Variants in PCDHGA3 observed in about 807,000 individuals in gnomAD.
PCDHGA3 encodes the protein protocadherin gamma-A3.
In PCDHGA3, 40 loss-of-function variants were observed where a neutral mutation model predicts 58.5. The ratio of observed to expected loss-of-function variants is 0.68; its 90% CI spans 0.53 to 0.89. The LOEUF is 0.89. PCDHGA3 is among the 40% of genes least tolerant of loss of function. The pLI, the probability that PCDHGA3 is intolerant of heterozygous loss-of-function variation, is 0.00. For missense variants in PCDHGA3, 1,223 were observed against 1,195.9 expected (o/e 1.02, Z -0.33); for synonymous variants, 530 against 525.7 (o/e 1.01, Z -0.11).
rs763321545 is a variant in PCDHGA3 at position 141,389,799 on chromosome 5, C to A, written c.2424+43342C>A. 1.2e-5 allele frequency: 19 copies of A among 1,613,678 alleles called. No individual in the cohort carries two copies. The South Asian group carries it at 1.9e-4, about 16-fold the overall frequency. On this transcript the variant is annotated intron_variant, in intron 1 of 3. Transcript: ENST00000253812. ...AGGCGACAGGGACGCCGTCCGCCAG[C>A]GCCTTCTGGTCGCCGTGCGTGACGG...
chr5:141,491,966 G>A lies in PCDHGA3; in HGVS notation c.2425-2841G>A. 1.1e-6 allele frequency: 1 copy of A among 943,066 alleles called. No individual in the cohort carries two copies. Among genetic ancestry groups the A allele is most frequent in the Non-Finnish European group, 1.5e-6 (1 of 669,210 alleles). The allele number at this position is 943,066 out of a possible 1,614,324, so 58.4% of individuals were successfully genotyped here. On this transcript the variant is annotated intron_variant, in intron 1 of 3. Coordinates refer to ENST00000253812, the MANE Select transcript of PCDHGA3 (RefSeq NM_018916.4). The surrounding 1 kb of genome is among the most constrained non-coding windows in gnomAD (Gnocchi z 6.9). ...CCACCCCTACACTCAAAAAAGGCCG[G>A]GGCCTCCTTCGAGCTTCCGGTGAAT...
intron 1 of PCDHGA3, chr5:141,391,513 C>T (rs1485140932): frequency 6.6e-6 from 1 of 152,096 alleles, no homozygotes; most frequent in Non-Finnish European, 1.5e-5. Flanking sequence ...TATTTTCTTT[C>T]ACTAATTTAA....
intron 3 of PCDHGA3, among the ~76,000 whole-genome samples, chr5:141,506,189 G>A (rs529165145): frequency 3.6e-4 from 55 of 152,262 alleles, no homozygotes; most frequent in African/African-American, 1.1e-3. Flanking sequence ...GGTGGCTCAC[G>A]CCTGTAATCC....
At chr5:141,395,309 CATT>C in intron 1 of PCDHGA3, 1 of 1,506,030 alleles carries the variant, frequency 6.6e-7, no homozygotes, top group Non-Finnish European at 8.9e-7. Flanking sequence ...TTTTGAAAAA[CATT>C]GTGAAGATAG....
intron 1 of PCDHGA3, among the ~76,000 whole-genome samples, chr5:141,452,674 G>A (rs2098746885): frequency 6.6e-6 from 1 of 151,936 alleles, no homozygotes; most frequent in Non-Finnish European, 1.5e-5. Context: ...TCCAGCCTAG[G>A]CCACAGAATG....
At chr5:141,474,130 C>T (rs28684928) in intron 1 of PCDHGA3, among the ~76,000 whole-genome samples, 6 of 152,160 alleles carry the variant, frequency 3.9e-5, no homozygotes. Context: ...TCTCAGAAAA[C>T]TACAGGCCTT....
intron 1 of PCDHGA3, chr5:141,374,164 G>A: frequency 6.2e-7 from 1 of 1,612,952 alleles, no homozygotes; most frequent in East Asian, 2.2e-5. Context: ...GGGGGGCCGC[G>A]GCAGCGCAGA....
intron 1 of PCDHGA3, among the ~76,000 whole-genome samples, chr5:141,448,040 C>T (rs892207188): frequency 6.6e-6 from 1 of 151,850 alleles, no homozygotes; most frequent in Admixed American, 6.6e-5. Context: ...GAGCCAAGAT[C>T]ATGCCATTGC....
intron 1 of PCDHGA3, chr5:141,398,172 A>G (rs1386610242): frequency 6.1e-6 from 9 of 1,476,892 alleles, no homozygotes; most frequent in Non-Finnish European, 7.2e-6. Context: ...AGAGGCTGCC[A>G]GTGCTCTTTC....
At chr5:141,366,514 A>G (rs766799381) in intron 1 of PCDHGA3, 8 of 1,614,142 alleles carry the variant, frequency 5.0e-6, no homozygotes, top group Non-Finnish European at 6.8e-6. Context: ...TTCAGGCTGA[A>G]GGCAGCAGGT....
chr5:141,344,297 G>A lies in PCDHGA3; in HGVS notation c.264G>A (p.Glu88=). 6.2e-7 allele frequency: 1 copy of A among 1,614,124 alleles called. No homozygotes were observed. Residue 88 remains glutamate (E), a synonymous_variant, in exon 1 of 4, where the codon GAG becomes GAA. Coordinates refer to ENST00000253812, the MANE Select transcript of PCDHGA3 (RefSeq NM_018916.4). ...AAAGCGGCAGCTTGGTCACCGCGGA[G>A]AGGATAGACCGGGAGGAGCTCTGCG... ...NPQSGSLVTA[E]RIDREELCAQ... is the part of the protein sequence containing the mutation.
At chr5:141,395,111 T>G in intron 1 of PCDHGA3, 1 of 1,613,670 alleles carries the variant, frequency 6.2e-7, no homozygotes, top group Middle Eastern at 1.7e-4. Flanking sequence ...CGCGGAAGAG[T>G]CACCTGATCT....
chr5:141,494,897 C>T (rs1194879883), intron 2 of PCDHGA3, 32 bp downstream of exon 2: 2 of 1,614,122 alleles, frequency 1.2e-6, no homozygotes, highest in South Asian at 2.2e-5. Flanking sequence ...CCACCCTCTT[C>T]TCTGCGGCAT....
Position 141,394,271 on chromosome 5 carries a change from G to C in PCDHGA3, c.2424+47814G>C, listed in dbSNP as rs768847661. The stretch of plus-strand genomic sequence containing the variant: ...ACCCCGACAGCCAGGAGAATGCCCA[G>C]GTCACTTACTCTGTGACCGAGGACA... On this transcript the variant is annotated intron_variant, in intron 1 of 3. Transcript: ENST00000253812. 9 of 1,613,862 alleles carry C rather than the reference G, an allele frequency of 5.6e-6. No individual in the cohort carries two copies. In the South Asian group the frequency reaches 9.9e-5, roughly 18 times the overall value.
intron 1 of PCDHGA3, chr5:141,388,789 T>G: frequency 1.9e-6 from 3 of 1,613,948 alleles, no homozygotes; most frequent in Non-Finnish European, 2.5e-6. Flanking sequence ...ATTACTGTTT[T>G]AAATACATTA....
rs547778963 is a variant in PCDHGA3 at position 141,357,070 on chromosome 5, G to A, written c.2424+10613G>A. 1.9e-6 allele frequency: 3 copies of A among 1,613,960 alleles called. No individual in the cohort carries two copies. The highest frequency in any genetic ancestry group is 3.3e-5 in the Admixed American group (2 of 60,028). On this transcript the variant is annotated intron_variant, in intron 1 of 3. Coordinates refer to ENST00000253812, the MANE Select transcript of PCDHGA3 (RefSeq NM_018916.4). Reference sequence around the variant, plus strand: ...ACTATTTGCAGTGGGGCTGCACACAGGCGAGGTGCGCACCGCACGGGCCCT... The same window carrying A: ...ACTATTTGCAGTGGGGCTGCACACAAGCGAGGTGCGCACCGCACGGGCCCT...
intron 2 of PCDHGA3, among the ~76,000 whole-genome samples, chr5:141,496,753 A>G (rs2099771084): frequency 6.6e-6 from 1 of 152,166 alleles, no homozygotes; most frequent in Admixed American, 6.5e-5. Flanking sequence ...TTCAACAAAT[A>G]TTTATCGAGC....
chr5:141,405,376 G>A lies in PCDHGA3; in HGVS notation c.2424+58919G>A, dbSNP rs567557596. On this transcript the variant is annotated intron_variant, in intron 1 of 3. Coordinates refer to ENST00000253812, the MANE Select transcript of PCDHGA3 (RefSeq NM_018916.4). The stretch of plus-strand genomic sequence containing the variant: ...CTATAGAAGACACCCCTTTGGTTCC[G>A]GTGAGTTCATTTTTTTTCTTTCTTT... The A allele has an allele frequency of 4.3e-4, 696 of 1,602,156 alleles. 3 individuals carry two copies. In the South Asian group the frequency reaches 6.8e-3, roughly 16 times the overall value.
At chr5:141,484,347 T>C (rs569724902) in intron 1 of PCDHGA3, among the ~76,000 whole-genome samples, 2 of 152,302 alleles carry the variant, frequency 1.3e-5, no homozygotes, top group East Asian at 1.9e-4. Flanking sequence ...AATGGTAATT[T>C]AGTGTATCTA....
Sources: allele counts gnomAD v4.1 joint callset (sites outside exome capture counted in the v4.1 genomes callset), GRCh38; gene constraint gnomAD v4.1.1; non-coding constraint Gnocchi (gnomAD v3.1); transcripts MANE v1.5; gene names NCBI Gene and HGNC (gene_info 2026-07-23, HGNC 2026-07-21).